ZNF678: variants seen among roughly 807,000 people sequenced by gnomAD.
The protein encoded by ZNF678 is hypothetical protein MGC42493.
Under a neutral mutation model 3.0 loss-of-function variants are expected in ZNF678, and 5 were observed. The observed-to-expected ratio is 1.69, with a 90% CI of 0.88 to 3.56. The LOEUF is 3.56. ZNF678 is among the 30% of genes most tolerant of loss of function. The probability of loss-of-function intolerance (pLI) is 0.00; values close to 1 mark genes in which losing one functional copy is unlikely to be tolerated. For synonymous variants in ZNF678, 218 were observed against 199.6 expected (o/e 1.09, Z -0.78); for missense variants, 593 against 605.0 (o/e 0.98, Z 0.21).
chr1:227,598,456 TCTTTTTCTTCTTA>T (rs1378461844), intron 1 of ZNF678: 2 of 1,477,980 alleles, frequency 1.4e-6, no homozygotes, highest in African/African-American at 2.8e-5. Flanking sequence ...CTAGCAGCCT[TCTTTTTCTTCTTA>T]CTATGTTTCT....
Position 227,660,704 on chromosome 1 carries a change from T to C in ZNF678, c.*4876T>C, listed in dbSNP as rs1212290480. 6.6e-6 allele frequency: 1 copy of C among 152,180 alleles called. No homozygotes were observed. The highest frequency in any genetic ancestry group is 1.5e-5 in the Non-Finnish European group (1 of 68,024). The allele number at this position is 152,180 out of a possible 1,614,324, so 9.4% of individuals were successfully genotyped here. On this transcript the variant is annotated 3_prime_UTR_variant, in exon 4 of 4. Transcript: ENST00000343776. Reference sequence around the variant, plus strand: ...CAATTTGGTTGTCTTTGGTTTTGTTTTCTAATTTCTCTGGCCTGGAAATTC... The same window carrying C: ...CAATTTGGTTGTCTTTGGTTTTGTTCTCTAATTTCTCTGGCCTGGAAATTC...
chr1:227,644,511 G>A (rs1466375462), intron 1 of ZNF678, among the ~76,000 whole-genome samples: 1 of 152,150 alleles, frequency 6.6e-6, no homozygotes, highest in African/African-American at 2.4e-5. Flanking sequence ...ATAAATATTT[G>A]TATTGGGCTA....
chr1:227,662,749 A>G (rs1271394503), downstream of ZNF678, among the ~76,000 whole-genome samples: 2 of 152,198 alleles, frequency 1.3e-5, no homozygotes, highest in Non-Finnish European at 2.9e-5. Flanking sequence ...AACCAGCGAT[A>G]TTGAGAGACT....
chr1:227,657,471 A>G lies in ZNF678; in HGVS notation c.*1643A>G, dbSNP rs984990834. 19 of 152,078 alleles carry G rather than the reference A, an allele frequency of 1.2e-4. No individual in the cohort carries two copies. The East Asian group carries it at 2.9e-3, about 23-fold the overall frequency. The allele number at this position is 152,078 out of a possible 1,614,324, so 9.4% of individuals were successfully genotyped here. A position where few individuals can be genotyped will look rare whatever the true frequency, so the allele number is the denominator to read the frequency against. On this transcript the variant is annotated 3_prime_UTR_variant, in exon 4 of 4. Coordinates refer to ENST00000343776, the MANE Select transcript of ZNF678 (RefSeq NM_001367909.1). The stretch of plus-strand genomic sequence containing the variant: ...TTTTTTCTTTTGTAAATACTGGACA[A>G]TGATACTCTTATATAATCTTCAGTA...
intron 1 of ZNF678, among the ~76,000 whole-genome samples, chr1:227,575,259 G>A (rs1656958537): frequency 6.6e-6 from 1 of 152,264 alleles, no homozygotes; most frequent in East Asian, 1.9e-4. Flanking sequence ...TTTTAAAATA[G>A]TTTTCTCTAG....
chr1:227,581,280 A>G (rs1357775440), intron 1 of ZNF678, among the ~76,000 whole-genome samples: 1 of 152,032 alleles, frequency 6.6e-6, no homozygotes, highest in Non-Finnish European at 1.5e-5. Context: ...TAAATGTTAG[A>G]AAATTCTGCA....
intron 1 of ZNF678, among the ~76,000 whole-genome samples, chr1:227,610,453 C>T (rs559132177): frequency 2.4e-4 from 37 of 152,142 alleles, no homozygotes; most frequent in Non-Finnish European, 4.4e-4. Flanking sequence ...GCATTTATGG[C>T]CTAATTTCAC....
At chr1:227,566,742 G>A (rs1203992710) in intron 1 of ZNF678, among the ~76,000 whole-genome samples, 1 of 152,126 alleles carries the variant, frequency 6.6e-6, no homozygotes, top group Non-Finnish European at 1.5e-5. Flanking sequence ...TATTTACAAA[G>A]GGTATGAACG....
intron 1 of ZNF678, among the ~76,000 whole-genome samples, chr1:227,584,473 G>C (rs1657208632): frequency 6.6e-6 from 1 of 152,196 alleles, no homozygotes; most frequent in African/African-American, 2.4e-5. Context: ...TATTTACCTT[G>C]CTCTATCTCC....
At chr1:227,644,400 A>C (rs1175307670) in intron 1 of ZNF678, among the ~76,000 whole-genome samples, 2 of 152,184 alleles carry the variant, frequency 1.3e-5, no homozygotes, top group Non-Finnish European at 2.9e-5. Context: ...TTGTTTCCCA[A>C]ATGGAGATTT....
chr1:227,622,357 A>T (rs889311832), intron 1 of ZNF678, among the ~76,000 whole-genome samples: 1 of 152,198 alleles, frequency 6.6e-6, no homozygotes, highest in African/African-American at 2.4e-5. Context: ...TGTAGGCCAA[A>T]CCAATGCATA....
chr1:227,651,799 C>A (rs150016001), intron 3 of ZNF678, among the ~76,000 whole-genome samples: 1 of 152,254 alleles, frequency 6.6e-6, no homozygotes, highest in African/African-American at 2.4e-5. Context: ...GTCTCAAACA[C>A]CTGGCCTGAA....
At chr1:227,563,913 G>A (rs916222438) in intron 1 of ZNF678, among the ~76,000 whole-genome samples, 189 bp downstream of exon 1, 1 of 152,238 alleles carries the variant, frequency 6.6e-6, no homozygotes, top group Non-Finnish European at 1.5e-5. Flanking sequence ...TCTCTGGGCG[G>A]CTATGAAGCC....
chr1:227,586,324 A>G (rs1657263072), intron 1 of ZNF678, among the ~76,000 whole-genome samples: 1 of 152,232 alleles, frequency 6.6e-6, no homozygotes, highest in Non-Finnish European at 1.5e-5. Context: ...TATTTATTAA[A>G]CTAAGCCTTT....
chr1:227,564,456 G>T (rs1366041112), intron 1 of ZNF678, among the ~76,000 whole-genome samples: 1 of 152,200 alleles, frequency 6.6e-6, no homozygotes, highest in Non-Finnish European at 1.5e-5. Flanking sequence ...TTTTAACACT[G>T]CACAAGAGAC....
intron 1 of ZNF678, among the ~76,000 whole-genome samples, chr1:227,599,861 A>G (rs1303214241): frequency 6.6e-6 from 1 of 152,160 alleles, no homozygotes; most frequent in Non-Finnish European, 1.5e-5. Context: ...GGTTTGTTAT[A>G]TAGGTAAACT....
intron 1 of ZNF678, among the ~76,000 whole-genome samples, chr1:227,636,807 A>G (rs1034978652): frequency 3.3e-5 from 5 of 152,160 alleles, no homozygotes; most frequent in Non-Finnish European, 5.9e-5. Flanking sequence ...CCTGCTGAGT[A>G]TCACAGTGTA....
At chr1:227,678,770 A>G (rs1571931974), downstream of ZNF678, among the ~76,000 whole-genome samples, 2 of 152,188 alleles carry the variant, frequency 1.3e-5, no homozygotes, top group South Asian at 2.1e-4. Flanking sequence ...TGTTAACTCA[A>G]TTGGAGTCCC....
At chr1:227,637,499 T>TAG (rs1056996385) in intron 1 of ZNF678, among the ~76,000 whole-genome samples, 5 of 152,112 alleles carry the variant, frequency 3.3e-5, no homozygotes, top group African/African-American at 1.2e-4. Flanking sequence ...TCAAGCTGTT[T>TAG]AGAGAGGTAG....
Sources: allele counts gnomAD v4.1 joint callset (sites outside exome capture counted in the v4.1 genomes callset), GRCh38; gene constraint gnomAD v4.1.1; transcripts MANE v1.5; gene names NCBI Gene and HGNC (gene_info 2026-07-23, HGNC 2026-07-21).